Variants in DDX19B observed in about 807,000 individuals in gnomAD.
DDX19B encodes the protein ATP-dependent RNA helicase DDX19B.
A neutral mutation model predicts 58.1 loss-of-function variants in DDX19B; 27 were observed. The ratio of observed to expected loss-of-function variants is 0.46; its 90% CI spans 0.34 to 0.64. The LOEUF (loss-of-function observed/expected upper bound fraction) is 0.64, where lower values mean the gene tolerates loss of function less well. DDX19B is among the 30% of genes least tolerant of loss of function. The pLI, the probability that DDX19B is intolerant of heterozygous loss-of-function variation, is 0.01. For missense variants in DDX19B, 399 were observed against 596.5 expected (o/e 0.67, Z 3.45); for synonymous variants, 187 against 214.4 (o/e 0.87, Z 1.12).
chr16:70,314,643 G>A (rs538451734), intron 2 of DDX19B, among the ~76,000 whole-genome samples: 10 of 152,112 alleles, frequency 6.6e-5, no homozygotes, highest in South Asian at 4.2e-4. Context: ...CAGCCTGGGC[G>A]ACAGAGCGAG....
At chr16:70,317,440 T>C (rs749203680) in intron 4 of DDX19B, 56 bp from the exon 5 acceptor site, 128 of 1,352,236 alleles carry the variant, frequency 9.5e-5, no homozygotes, top group Non-Finnish European at 1.3e-4. Context: ...TCCAGATATT[T>C]TGCTGCTTTC....
At chr16:70,296,472 T>C (rs775883725), upstream of DDX19B, among the ~76,000 whole-genome samples, 4 of 152,038 alleles carry the variant, frequency 2.6e-5, no homozygotes, top group Non-Finnish European at 4.4e-5. Flanking sequence ...AAAGCATATA[T>C]GGGAGCTTGG....
chr16:70,307,703 A>ATG lies in DDX19B; in HGVS notation c.58-4894_58-4893dup, dbSNP rs147276648. On this transcript the variant is annotated intron_variant, in intron 1 of 11. Transcript: ENST00000288071. ...TGTGTGTGTGTGTGTGTATGTATAT[A>ATG]TGTGTGTGTGTGTATATATGTGTGT... Among the ~76,000 whole-genome samples, 867 of 149,588 alleles carry ATG rather than the reference A, an allele frequency of 5.8e-3. 7 individuals carry two copies. The highest frequency in any genetic ancestry group is 0.02 in the African/African-American group (816 of 40,692).
At chr16:70,312,579 CTT>C in intron 1 of DDX19B, 28 bp from the exon 2 acceptor site, 7 of 1,607,466 alleles carry the variant, frequency 4.4e-6, no homozygotes, top group Non-Finnish European at 6.0e-6. Flanking sequence ...TTTCCTGACA[CTT>C]TCCCCCTCCC....
intron 8 of DDX19B, 106 bp downstream of exon 8, chr16:70,329,575 A>G (rs1597501658): frequency 6.7e-7 from 1 of 1,503,322 alleles, no homozygotes; most frequent in Non-Finnish European, 9.1e-7. Context: ...TGGCTCTCGT[A>G]CTCTCAGCAG....
intron 2 of DDX19B, among the ~76,000 whole-genome samples, chr16:70,312,915 T>A (rs1222509744): frequency 6.6e-6 from 1 of 151,214 alleles, no homozygotes; most frequent in Non-Finnish European, 1.5e-5. Context: ...TCAATCATGG[T>A]TCACTGGAGC....
chr16:70,311,460 T>C (rs1226740745), intron 1 of DDX19B, among the ~76,000 whole-genome samples: 4 of 152,044 alleles, frequency 2.6e-5, no homozygotes, highest in Non-Finnish European at 4.4e-5. Flanking sequence ...AATAGAAATA[T>C]GCTACTCTGG....
chr16:70,312,122 G>A (rs891143569), intron 1 of DDX19B, among the ~76,000 whole-genome samples: 10 of 152,074 alleles, frequency 6.6e-5, no homozygotes, highest in South Asian at 4.1e-4. Flanking sequence ...TTACAGGCGC[G>A]AGCCACCGCA....
chr16:70,331,796 G>C lies in DDX19B; in HGVS notation c.1098G>C (p.Glu366Asp). ...ACCAGGTGGCTCTGCTGAGTGGGGA[G>C]ATGATGGTGGAACAGAGGGCTGCAG... ...EGHQVALLSG[E>D]MMVEQRAAVI... The change falls in exon 10 of 12, where the codon GAG becomes GAC. Residue 366 changes from glutamate to aspartate, a missense_variant. Physicochemically the swap from Glu to Asp is conservative, Grantham distance 45 (BLOSUM62 2). Around this residue, in one of 4 missense-constraint regions of DDX19B, gnomAD observed 198 missense variants for 345.9 expected, o/e 0.57. Transcript: ENST00000288071. 1.2e-6 allele frequency: 2 copies of C among 1,614,224 alleles called. No homozygotes were observed. The highest frequency in any genetic ancestry group is 1.7e-5 in the Admixed American group (1 of 60,012).
chr16:70,323,013 T>A (rs1962931526), intron 5 of DDX19B, among the ~76,000 whole-genome samples: 1 of 150,160 alleles, frequency 6.7e-6, no homozygotes, highest in Non-Finnish European at 1.5e-5. Flanking sequence ...GTTTCTTCTG[T>A]TTGTTTGTTT....
chr16:70,301,134 T>C (rs554118136), intron 1 of DDX19B, among the ~76,000 whole-genome samples: 1 of 152,316 alleles, frequency 6.6e-6, no homozygotes, highest in Non-Finnish European at 1.5e-5. Context: ...TCTTGTCTTT[T>C]GGATCTCTTG....
At chr16:70,314,729 A>G (rs1395953739) in intron 2 of DDX19B, 173 bp from the exon 3 acceptor site, 7 of 591,166 alleles carry the variant, frequency 1.2e-5, no homozygotes, top group Non-Finnish European at 2.3e-5. Context: ...ACAGTGTTTT[A>G]CACCTTTGTT....
rs1286358837 is a variant in DDX19B at position 70,330,363 on chromosome 16, G to A, written c.1023+295G>A. On this transcript the variant is annotated intron_variant, in intron 9 of 11. Coordinates refer to ENST00000288071, the MANE Select transcript of DDX19B (RefSeq NM_007242.7). The stretch of plus-strand genomic sequence containing the variant: ...GCACTTTGGGAGGCCAAGGCGGGTG[G>A]ATCACCTGAGGTCAGGAGACCAAGA... Among the ~76,000 whole-genome samples, 6 of 152,298 alleles carry A rather than the reference G, an allele frequency of 3.9e-5. No homozygotes were observed. The South Asian group carries it at 8.3e-4, about 21-fold the overall frequency.
At chr16:70,333,383 C>T in intron 11 of DDX19B, 138 bp from the exon 12 acceptor site, 1 of 1,363,414 alleles carries the variant, frequency 7.3e-7, no homozygotes, top group Non-Finnish European at 1.0e-6. Context: ...GGGGCTCTGA[C>T]TGTTGCTGTC....
At chr16:70,319,005 G>A (rs1163953592) in intron 5 of DDX19B, among the ~76,000 whole-genome samples, 1 of 151,840 alleles carries the variant, frequency 6.6e-6, no homozygotes, top group Non-Finnish European at 1.5e-5. Context: ...ATGGGAGGCT[G>A]AGGCAGGAGA....
chr16:70,312,580 T>C (rs781338485), intron 1 of DDX19B, 29 bp from the exon 2 acceptor site: 1 of 1,608,084 alleles, frequency 6.2e-7, no homozygotes, highest in South Asian at 1.1e-5. Flanking sequence ...TTCCTGACAC[T>C]TTCCCCCTCC....
At chr16:70,293,263 C>A (rs1296830831), upstream of DDX19B, among the ~76,000 whole-genome samples, 3 of 151,530 alleles carry the variant, frequency 2.0e-5, no homozygotes, top group African/African-American at 7.3e-5. Flanking sequence ...CAAAAAAATA[C>A]AAAAATTAGC....
chr16:70,328,898 A>ACCTATT (rs1331372884), intron 7 of DDX19B, among the ~76,000 whole-genome samples: 5 of 151,948 alleles, frequency 3.3e-5, no homozygotes, highest in African/African-American at 1.2e-4. Flanking sequence ...AATTTCTCAG[A>ACCTATT]GAGAAGAGCT....
Position 70,316,063 on chromosome 16 carries a change from C to T in DDX19B, c.255C>T (p.Asn85=). 8 of 1,614,140 alleles carry T rather than the reference C, an allele frequency of 5.0e-6. No homozygotes were observed. Among genetic ancestry groups the T allele is most frequent in the Non-Finnish European group, 6.8e-6 (8 of 1,180,046 alleles). Residue 85 remains asparagine, a synonymous_variant, in exon 4 of 12, where the codon AAC becomes AAT. Transcript: ENST00000288071. ...TGGAAGTCCTGCAGCGGGATCCAAA[C>T]TCCCCTCTGTACTCGGTGAAGTCTT... The part of the protein sequence containing the change: ...NQVEVLQRDP[N]SPLYSVKSFE...
Sources: allele counts gnomAD v4.1 joint callset (sites outside exome capture counted in the v4.1 genomes callset), GRCh38; gene constraint gnomAD v4.1.1; regional missense constraint gnomAD v4.1.1; transcripts MANE v1.5; gene names NCBI Gene and HGNC (gene_info 2026-07-23, HGNC 2026-07-21).